The following NAALADL2 variants were observed in gnomAD, a reference collection of about 807,000 sequenced individuals.
NAALADL2 encodes inactive N-acetylated-alpha-linked acidic dipeptidase-like protein 2.
A neutral mutation model predicts 87.2 loss-of-function variants in NAALADL2; 76 were observed. The observed-to-expected ratio is 0.87, with a 90% confidence interval of 0.72 to 1.05. The LOEUF is 1.05. Ranked by LOEUF, NAALADL2 falls within the 50% of genes least tolerant of loss-of-function variation. The probability of loss-of-function intolerance (pLI) is 0.00; values close to 1 mark genes in which losing one functional copy is unlikely to be tolerated. For synonymous variants in NAALADL2, 354 were observed against 331.0 expected (o/e 1.07, Z -0.75); for missense variants, 1,089 against 945.8 (o/e 1.15, Z -1.99).
At chr3:175,463,326 T>C in intron 6 of NAALADL2, 75 bp from the exon 7 acceptor site, 1 of 925,484 alleles carries the variant, frequency 1.1e-6, no homozygotes, top group Non-Finnish European at 1.6e-6. Flanking sequence ...TGATATTGGA[T>C]AAAATAAATT....
At chr3:174,893,724 C>T (rs1022088855) in intron 1 of NAALADL2, among the ~76,000 whole-genome samples, 8 of 151,890 alleles carry the variant, frequency 5.3e-5, no homozygotes, top group Admixed American at 3.3e-4. Flanking sequence ...AATGAGTACA[C>T]AAAAAATACA....
chr3:174,564,570 T>C (rs544380710), intron 2 of NAALADL2, among the ~76,000 whole-genome samples: 45 of 152,314 alleles, frequency 3.0e-4, no homozygotes, highest in African/African-American at 1.1e-3. Context: ...TTTGTCTAAG[T>C]AACCTAATAG....
intron 2 of NAALADL2, among the ~76,000 whole-genome samples, chr3:174,619,602 G>T (rs1313635705): frequency 6.6e-6 from 1 of 151,910 alleles, no homozygotes; most frequent in African/African-American, 2.4e-5. Flanking sequence ...ATTTTAGTTT[G>T]TCTCATTTTT....
chr3:175,148,572 G>C (rs974242216), intron 2 of NAALADL2, among the ~76,000 whole-genome samples: 1 of 152,012 alleles, frequency 6.6e-6, no homozygotes, highest in South Asian at 2.1e-4. Context: ...TTATAGTTTG[G>C]GGTTTTACAT....
chr3:175,056,103 A>T (rs947391693), intron 1 of NAALADL2, among the ~76,000 whole-genome samples: 8 of 152,066 alleles, frequency 5.3e-5, no homozygotes, highest in Non-Finnish European at 1.2e-4. Flanking sequence ...CACTGAGGCA[A>T]CTACTTTTTG....
intron 9 of NAALADL2, among the ~76,000 whole-genome samples, chr3:175,522,854 T>C (rs4894721): frequency 0.96 from 145,518 of 152,244 alleles, 69,616 homozygotes; most frequent in East Asian, 0.99. Context: ...CAGTTATTTC[T>C]ATCAACAATA....
intron 1 of NAALADL2, among the ~76,000 whole-genome samples, chr3:175,073,998 T>C (rs1283531380): frequency 2.0e-5 from 3 of 152,056 alleles, no homozygotes; most frequent in Non-Finnish European, 2.9e-5. Context: ...GAAACTTTCC[T>C]GTGTGTTTGT....
intron 4 of NAALADL2, among the ~76,000 whole-genome samples, chr3:175,306,354 T>A (rs953477637): frequency 4.6e-5 from 7 of 152,288 alleles, no homozygotes; most frequent in Non-Finnish European, 8.8e-5. Flanking sequence ...CAAATACCAT[T>A]AGAAAAATGT....
chr3:175,670,286 AC>A (rs1402732701), intron 11 of NAALADL2, among the ~76,000 whole-genome samples: 1 of 151,640 alleles, frequency 6.6e-6, no homozygotes, highest in African/African-American at 2.4e-5. Flanking sequence ...AACAAGAGCT[AC>A]ATTGACTAAC....
intron 3 of NAALADL2, chr3:175,235,020 T>G (rs1228718769): frequency 6.6e-6 from 1 of 151,680 alleles, no homozygotes; most frequent in Admixed American, 6.6e-5. Flanking sequence ...TGGACTAGTT[T>G]TCTAACTCTA....
chr3:175,751,383 G>A (rs1746605280), intron 12 of NAALADL2, among the ~76,000 whole-genome samples: 1 of 151,992 alleles, frequency 6.6e-6, no homozygotes, highest in African/African-American at 2.4e-5. Context: ...GGTTGAAGAA[G>A]TGATAGAGAG....
chr3:175,396,381 T>C (rs1198900981), intron 5 of NAALADL2, among the ~76,000 whole-genome samples: 3 of 152,156 alleles, frequency 2.0e-5, no homozygotes, highest in Non-Finnish European at 4.4e-5. Context: ...ATATGATCAA[T>C]ATTTGATAAG....
At chr3:175,326,878 G>A (rs186306778) in intron 5 of NAALADL2, among the ~76,000 whole-genome samples, 1 of 152,172 alleles carries the variant, frequency 6.6e-6, no homozygotes, top group Non-Finnish European at 1.5e-5. Context: ...GTTACTTTGG[G>A]GATCAAGTTT....
intron 2 of NAALADL2, among the ~76,000 whole-genome samples, chr3:175,098,247 T>C (rs554219469): frequency 6.6e-6 from 1 of 152,296 alleles, no homozygotes; most frequent in East Asian, 1.9e-4. Context: ...TACTTCCCAA[T>C]GTAAAATTGT....
intron 4 of NAALADL2, among the ~76,000 whole-genome samples, chr3:175,320,228 T>A (rs1759669638): frequency 6.6e-6 from 1 of 152,134 alleles, no homozygotes; most frequent in African/African-American, 2.4e-5. Flanking sequence ...AATAAGCTTT[T>A]TACAAAAAAA....
intron 2 of NAALADL2, among the ~76,000 whole-genome samples, chr3:175,223,517 T>C (rs1039579818): frequency 6.6e-6 from 1 of 152,146 alleles, no homozygotes; most frequent in African/African-American, 2.4e-5. Context: ...CACATATTCT[T>C]TACCCATTCA....
At chr3:175,524,277 A>G (rs1417615544) in intron 9 of NAALADL2, among the ~76,000 whole-genome samples, 1 of 152,216 alleles carries the variant, frequency 6.6e-6, no homozygotes, top group Non-Finnish European at 1.5e-5. Flanking sequence ...TAAATAGTGT[A>G]TTAATTTTGG....
intron 3 of NAALADL2, among the ~76,000 whole-genome samples, chr3:174,784,456 A>G (rs756694467): frequency 6.6e-6 from 1 of 152,206 alleles, no homozygotes; most frequent in African/African-American, 2.4e-5. Context: ...AGAATCATTC[A>G]TGGTCTGATT....
chr3:174,731,322 G>C (rs1006459386), intron 2 of NAALADL2, among the ~76,000 whole-genome samples: 1 of 152,044 alleles, frequency 6.6e-6, no homozygotes, highest in African/African-American at 2.4e-5. Flanking sequence ...TCTATTTTTG[G>C]ATAGGTTTTA....
Sources: gnomAD v4.1 joint callset for allele counts (sites outside exome capture counted in the v4.1 genomes callset) on GRCh38, gnomAD v4.1.1 for gene constraint, MANE v1.5 for transcripts, NCBI Gene and HGNC (gene_info 2026-07-23, HGNC 2026-07-21) for gene names.